The following SCAPER variants were observed in gnomAD, a reference collection of about 807,000 sequenced individuals.
SCAPER encodes the protein S phase cyclin A-associated protein in the endoplasmic reticulum.
Under a neutral mutation model 182.2 loss-of-function variants are expected in SCAPER, and 98 were observed. The ratio of observed to expected loss-of-function variants is 0.54; its 90% CI spans 0.46 to 0.64. The LOEUF is 0.64. Ranked by LOEUF, SCAPER falls within the 30% of genes least tolerant of loss-of-function variation. SCAPER has a pLI of 0.00. For synonymous variants in SCAPER, 605 were observed against 564.6 expected, an observed-to-expected ratio of 1.07 and a Z score of -1.01; for missense variants, 1,432 against 1,690.0, an observed-to-expected ratio of 0.85 and a Z score of 2.68.
At chr15:76,841,967 T>C (rs745869346) in intron 4 of SCAPER, 36 bp from the exon 5 acceptor site, 1 of 1,557,132 alleles carries the variant, frequency 6.4e-7, no homozygotes. Context: ...AATAAATAAA[T>C]AAAAGGGCTT....
intron 15 of SCAPER, among the ~76,000 whole-genome samples, chr15:76,740,913 G>T (rs990749786): frequency 2.6e-5 from 4 of 152,110 alleles, no homozygotes; most frequent in Admixed American, 2.6e-4. Context: ...GATGATATAC[G>T]AGTGCTAATT....
At chr15:76,856,974 C>T (rs2071436499) in intron 4 of SCAPER, among the ~76,000 whole-genome samples, 1 of 152,124 alleles carries the variant, frequency 6.6e-6, no homozygotes, top group South Asian at 2.1e-4. Flanking sequence ...ATAAAGTAGG[C>T]TTGTGTTGTC....
At chr15:76,696,191 ACTT>A (rs747707691) in intron 20 of SCAPER, among the ~76,000 whole-genome samples, 6 of 152,228 alleles carry the variant, frequency 3.9e-5, no homozygotes, top group Admixed American at 1.3e-4. Flanking sequence ...ACATCTTGCC[ACTT>A]CTTCTTTTGA....
At chr15:76,623,393 T>C (rs1283819167) in intron 21 of SCAPER, among the ~76,000 whole-genome samples, 1 of 152,228 alleles carries the variant, frequency 6.6e-6, no homozygotes, top group Non-Finnish European at 1.5e-5. Flanking sequence ...TACCTTTAAA[T>C]CTTTCATTCA....
At chr15:76,551,082 A>G (rs1459004811) in intron 23 of SCAPER, among the ~76,000 whole-genome samples, 1 of 152,138 alleles carries the variant, frequency 6.6e-6, no homozygotes, top group Non-Finnish European at 1.5e-5. Context: ...AGATGTAGAG[A>G]AATGGGAACA....
chr15:76,465,653 T>A (rs1353899756), intron 25 of SCAPER, among the ~76,000 whole-genome samples: 2 of 152,188 alleles, frequency 1.3e-5, no homozygotes, highest in Admixed American at 6.6e-5. Context: ...TCAAGATCAA[T>A]GTTATGAAGG....
intron 23 of SCAPER, among the ~76,000 whole-genome samples, chr15:76,547,024 C>T (rs1003681336): frequency 7.9e-5 from 12 of 152,128 alleles, no homozygotes; most frequent in African/African-American, 2.4e-4. Context: ...TTGTACAGAT[C>T]TCACCACATT....
chr15:76,554,873 C>T (rs533050590), intron 23 of SCAPER, among the ~76,000 whole-genome samples: 231 of 151,178 alleles, frequency 1.5e-3, no homozygotes, highest in Non-Finnish European at 2.2e-3. Flanking sequence ...CTTCTGCCTA[C>T]GGGGTTCAAG....
chr15:76,800,815 T>C (rs1446168094), intron 6 of SCAPER, among the ~76,000 whole-genome samples: 3 of 152,182 alleles, frequency 2.0e-5, no homozygotes, highest in Admixed American at 1.3e-4. Context: ...TAGGAAAATA[T>C]AAAATGTCCT....
chr15:76,452,288 T>C (rs1180525886), intron 25 of SCAPER, among the ~76,000 whole-genome samples: 1 of 152,220 alleles, frequency 6.6e-6, no homozygotes, highest in African/African-American at 2.4e-5. Flanking sequence ...CTTTGTGCCT[T>C]TCAGTTGTAG....
At chr15:76,708,252 C>G (rs1202716140) in intron 17 of SCAPER, among the ~76,000 whole-genome samples, 2 of 152,004 alleles carry the variant, frequency 1.3e-5, no homozygotes, top group African/African-American at 4.8e-5. Context: ...TTGTATTATT[C>G]TTATCACTGT....
Position 76,593,406 on chromosome 15 carries a change from T to TA in SCAPER, c.2712-19123dup, listed in dbSNP as rs2049272213. Reference sequence around the variant, plus strand: ...GCTGTGGGCACAGCTTCAGGAGACTTAAACATTCCAGCCTGCTGACTCTGA... The same window carrying TA: ...GCTGTGGGCACAGCTTCAGGAGACTTAAAACATTCCAGCCTGCTGACTCTGA... On this transcript the variant is annotated intron_variant, in intron 22 of 31. Coordinates refer to ENST00000563290, the MANE Select transcript of SCAPER (RefSeq NM_020843.4). 4.1e-5 allele frequency among the ~76,000 whole-genome samples: 5 copies of TA among 120,938 alleles called. 1 individual carries two copies. The South Asian group carries it at 1.0e-3, about 25-fold the overall frequency. 79.3% of individuals were successfully genotyped at this position (120,938 alleles called of 152,430 possible).
chr15:76,517,432 C>T (rs2042518819), intron 23 of SCAPER, among the ~76,000 whole-genome samples: 1 of 151,138 alleles, frequency 6.6e-6, no homozygotes, highest in Non-Finnish European at 1.5e-5. Context: ...TCACTGCAAC[C>T]TCTGCCTCCC....
intron 25 of SCAPER, 35 bp downstream of exon 25, chr15:76,471,177 A>G: frequency 1.3e-6 from 2 of 1,548,528 alleles, no homozygotes; most frequent in Non-Finnish European, 1.7e-6. Flanking sequence ...CTCAAACCTT[A>G]ACTGCTTCTA....
intron 20 of SCAPER, 75 bp downstream of exon 20, chr15:76,701,683 C>A (rs563718190): frequency 1.8e-6 from 2 of 1,131,650 alleles, no homozygotes; most frequent in Admixed American, 4.0e-5. Context: ...AATACAAACA[C>A]GGAATTCTTT....
chr15:76,430,401 A>G (rs924671255), intron 26 of SCAPER, among the ~76,000 whole-genome samples: 1 of 152,334 alleles, frequency 6.6e-6, no homozygotes, highest in Admixed American at 6.5e-5. Context: ...CAGACACTCA[A>G]TGCCAGCCCG....
In SCAPER at chr15:76,361,542, C is replaced by G. The variant is rs972394778; in HGVS notation, c.3856-7402G>C. ...GTCTAATAAAAGTGGGCTTTCTGGC[C>G]TAGAGTAGACTGAAATCAGCAATTA... On this transcript the variant is annotated intron_variant, in intron 29 of 31. Coordinates refer to ENST00000563290, the MANE Select transcript of SCAPER (RefSeq NM_020843.4). Among the ~76,000 whole-genome samples the G allele has an allele frequency of 2.6e-5, 4 of 152,138 alleles. No homozygotes were observed. In the East Asian group the frequency reaches 5.8e-4, roughly 22 times the overall value.
intron 26 of SCAPER, among the ~76,000 whole-genome samples, chr15:76,404,936 G>A (rs910808063): frequency 2.0e-5 from 3 of 152,006 alleles, no homozygotes; most frequent in Non-Finnish European, 4.4e-5. Context: ...GAATGACAAT[G>A]ATTATCTAGT....
intron 23 of SCAPER, chr15:76,567,479 C>T (rs2047123371): frequency 2.9e-6 from 1 of 341,426 alleles, no homozygotes; most frequent in Non-Finnish European, 6.0e-6. Context: ...ATGGTAGGCT[C>T]AACTTATGTT....
Sources: allele counts gnomAD v4.1 joint callset (sites outside exome capture counted in the v4.1 genomes callset), GRCh38; gene constraint gnomAD v4.1.1; transcripts MANE v1.5; gene names NCBI Gene and HGNC (gene_info 2026-07-23, HGNC 2026-07-21).